Variants in RBFOX1 observed in about 807,000 individuals in gnomAD.
RBFOX1 encodes RNA binding protein fox-1 homolog 1.
A neutral mutation model predicts 57.7 loss-of-function variants in RBFOX1; 8 were observed. That is an observed-to-expected ratio of 0.14 (90% CI 0.08 to 0.25). The LOEUF is 0.25. RBFOX1 is among the 10% of genes least tolerant of loss of function. The pLI is 1.00. For missense variants in RBFOX1, 611 were observed against 548.5 expected (o/e 1.11, Z -1.14); for synonymous variants, 326 against 222.4 (o/e 1.47, Z -4.15).
At chr16:7,119,504 G>A (rs2066640163) in intron 4 of RBFOX1, among the ~76,000 whole-genome samples, 1 of 151,806 alleles carries the variant, frequency 6.6e-6, no homozygotes, top group African/African-American at 2.4e-5. Context: ...GAGTTAGATG[G>A]GATATATTTA....
At chr16:5,983,927 CCCTCCTCCT>C (rs1309784209) in intron 4 of RBFOX1, among the ~76,000 whole-genome samples, 1 of 143,200 alleles carries the variant, frequency 7.0e-6, no homozygotes, top group African/African-American at 2.6e-5. Context: ...CTCCTCCTCC[CCCTCCTCCT>C]CCTCCTCTTC....
intron 3 of RBFOX1, among the ~76,000 whole-genome samples, chr16:6,667,514 G>A (rs1186773674): frequency 1.3e-5 from 2 of 152,006 alleles, no homozygotes; most frequent in Non-Finnish European, 1.5e-5. Context: ...ATTTTCTGGG[G>A]TCACTATGGG....
chr16:7,437,995 G>T (rs2098736402), intron 4 of RBFOX1, among the ~76,000 whole-genome samples: 2 of 151,898 alleles, frequency 1.3e-5, no homozygotes, highest in African/African-American at 2.4e-5. Flanking sequence ...CACTTTAGAA[G>T]TCCACGTGGA....
intron 2 of RBFOX1, among the ~76,000 whole-genome samples, chr16:6,481,422 A>G (rs2095369427): frequency 1.3e-5 from 2 of 152,242 alleles, no homozygotes; most frequent in African/African-American, 4.8e-5. Context: ...ACATGTGCTG[A>G]GAACACGAGG....
At chr16:6,024,306 G>A (rs1050453254) in intron 1 of RBFOX1, among the ~76,000 whole-genome samples, 15 of 152,086 alleles carry the variant, frequency 9.9e-5, no homozygotes, top group Non-Finnish European at 1.5e-4. Flanking sequence ...GGGGGAAGCC[G>A]CGTCATAAGC....
At chr16:5,930,244 T>C (rs2059021591) in intron 4 of RBFOX1, among the ~76,000 whole-genome samples, 1 of 113,910 alleles carries the variant, frequency 8.8e-6, no homozygotes, top group South Asian at 3.1e-4. Flanking sequence ...GATGGATGGA[T>C]GCTTGGATGT....
At chr16:5,627,531 T>A (rs766281427) in intron 3 of RBFOX1, among the ~76,000 whole-genome samples, 85 of 152,246 alleles carry the variant, frequency 5.6e-4, no homozygotes, top group Non-Finnish European at 1.1e-3. Flanking sequence ...TTAGGGTTTT[T>A]ATATTAAAAA....
At chr16:6,836,761 G>T (rs556617541) in intron 3 of RBFOX1, among the ~76,000 whole-genome samples, 2 of 152,078 alleles carry the variant, frequency 1.3e-5, no homozygotes, top group South Asian at 2.1e-4. Context: ...TATAACACCA[G>T]TTCATTACAG....
intron 4 of RBFOX1, among the ~76,000 whole-genome samples, chr16:7,408,622 A>G (rs1304976234): frequency 6.6e-6 from 1 of 152,196 alleles, no homozygotes; most frequent in Non-Finnish European, 1.5e-5. Flanking sequence ...CTTGGTCTAG[A>G]GGAGCAATCA....
At chr16:5,361,158 G>A (rs1020030828) in intron 1 of RBFOX1, among the ~76,000 whole-genome samples, 2 of 152,198 alleles carry the variant, frequency 1.3e-5, no homozygotes, top group African/African-American at 4.8e-5. Flanking sequence ...AGGCAAAGCT[G>A]GGATTTGAAC....
At chr16:6,932,930 A>G (rs545798013) in intron 3 of RBFOX1, among the ~76,000 whole-genome samples, 33 of 152,160 alleles carry the variant, frequency 2.2e-4, no homozygotes, top group African/African-American at 7.0e-4. Context: ...GGCAACTACT[A>G]TTCTCCTTTC....
At chr16:6,409,792 C>G (rs1331231478) in intron 2 of RBFOX1, among the ~76,000 whole-genome samples, 2 of 152,174 alleles carry the variant, frequency 1.3e-5, no homozygotes, top group Non-Finnish European at 2.9e-5. Flanking sequence ...ACAAGTGACT[C>G]TTCTCTTCCC....
chr16:6,619,476 T>C (rs2098194051), intron 2 of RBFOX1, among the ~76,000 whole-genome samples: 1 of 152,168 alleles, frequency 6.6e-6, no homozygotes, highest in Non-Finnish European at 1.5e-5. Flanking sequence ...TCTCCCATTC[T>C]TTTTTCTTCT....
At chr16:7,502,884 G>A (rs2071443151) in intron 4 of RBFOX1, among the ~76,000 whole-genome samples, 1 of 152,186 alleles carries the variant, frequency 6.6e-6, no homozygotes, top group East Asian at 1.9e-4. Context: ...TTAGCCAAGT[G>A]TGGTGGCAGG....
intron 4 of RBFOX1, among the ~76,000 whole-genome samples, chr16:7,393,322 T>A (rs1253507492): frequency 6.6e-5 from 10 of 152,228 alleles, no homozygotes; most frequent in Non-Finnish European, 1.5e-5. Flanking sequence ...GGTACTTGAT[T>A]GGCAAGATGC....
chr16:5,982,881 C>G (rs1034632377), intron 4 of RBFOX1, among the ~76,000 whole-genome samples: 4 of 152,194 alleles, frequency 2.6e-5, no homozygotes, highest in Admixed American at 2.0e-4. Context: ...GTAGCAGTGT[C>G]TGGCAGATGA....
chr16:7,453,513 G>A (rs1481648663), intron 4 of RBFOX1, among the ~76,000 whole-genome samples: 3 of 152,150 alleles, frequency 2.0e-5, no homozygotes, highest in Non-Finnish European at 4.4e-5. Context: ...GACGAGCAGG[G>A]GCTGGTCCTT....
At chr16:6,801,190 T>A (rs1033647168) in intron 3 of RBFOX1, among the ~76,000 whole-genome samples, 1 of 137,758 alleles carries the variant, frequency 7.3e-6, no homozygotes. Flanking sequence ...AGAATCAAGA[T>A]TGAACATGCA....
chr16:5,868,450 C>T (rs1407870283), intron 4 of RBFOX1, among the ~76,000 whole-genome samples: 5 of 152,296 alleles, frequency 3.3e-5, no homozygotes, highest in South Asian at 2.1e-4. Context: ...GGTTATATCT[C>T]CCTTTGATCC....
Sources: gnomAD v4.1 joint callset for allele counts (sites outside exome capture counted in the v4.1 genomes callset) on GRCh38, gnomAD v4.1.1 for gene constraint, MANE v1.5 for transcripts, NCBI Gene and HGNC (gene_info 2026-07-23, HGNC 2026-07-21) for gene names.